The following PPIP5K2 variants were observed in gnomAD, a reference collection of about 807,000 sequenced individuals.
PPIP5K2 encodes inositol hexakisphosphate and diphosphoinositol-pentakisphosphate kinase 2.
Under a neutral mutation model 154.6 loss-of-function variants are expected in PPIP5K2, and 105 were observed. That is an observed-to-expected ratio of 0.68 (90% CI 0.58 to 0.80). The LOEUF is 0.80. Ranked by LOEUF, PPIP5K2 falls within the 30% of genes least tolerant of loss-of-function variation. The probability of loss-of-function intolerance (pLI) is 0.00; values close to 1 mark genes in which losing one functional copy is unlikely to be tolerated. For missense variants in PPIP5K2, 992 were observed against 1,504.6 expected (o/e 0.66, Z 5.64); for synonymous variants, 480 against 490.3 (o/e 0.98, Z 0.28).
chr5:103,198,373 T>C (rs1802451867), intron 30 of PPIP5K2, among the ~76,000 whole-genome samples: 1 of 152,268 alleles, frequency 6.6e-6, no homozygotes, highest in African/African-American at 2.4e-5. Context: ...TAATGGACAC[T>C]ATTTTATCAT....
At chr5:103,138,033 C>T (rs556258918) in intron 4 of PPIP5K2, among the ~76,000 whole-genome samples, 13 of 152,076 alleles carry the variant, frequency 8.5e-5, no homozygotes, top group Non-Finnish European at 1.8e-4. Context: ...TCATTAAATA[C>T]TATTTAAGCA....
intron 14 of PPIP5K2, 102 bp from the exon 15 acceptor site, chr5:103,158,086 C>T (rs1430455709): frequency 1.7e-6 from 2 of 1,204,562 alleles, no homozygotes; most frequent in Admixed American, 2.3e-5. Flanking sequence ...TACATATGGG[C>T]CATATTTCAC....
chr5:103,134,410 A>G (rs1262526846), intron 3 of PPIP5K2, among the ~76,000 whole-genome samples: 1 of 152,174 alleles, frequency 6.6e-6, no homozygotes, highest in Non-Finnish European at 1.5e-5. Context: ...AAATGTATTC[A>G]TATTTAATCA....
chr5:103,172,208 A>G (rs568672551), intron 19 of PPIP5K2, among the ~76,000 whole-genome samples: 87 of 151,724 alleles, frequency 5.7e-4, no homozygotes, highest in African/African-American at 2.0e-3. Flanking sequence ...CATATTCACT[A>G]TATAGTCACC....
rs781952635 is a variant in PPIP5K2, at chr5:103,183,176, CTTTTTTTTTTTTTTTTTTTT to C, written c.2923-40_2923-21del. The C allele has an allele frequency of 2.6e-3, 1,382 of 539,068 alleles. 3 individuals are homozygous for C. The highest frequency in any genetic ancestry group is 2.5e-3 in the Non-Finnish European group (1,054 of 429,222). 33.4% of individuals were successfully genotyped at this position (539,068 alleles called of 1,614,324 possible). A position where few individuals can be genotyped will look rare whatever the true frequency, so the allele number is the denominator to read the frequency against. On this transcript the variant is annotated intron_variant, in intron 24 of 30. Transcript: ENST00000358359. ...GTTGTATCTAACTTTGCATGCTCTGCTTTTTTTTTTTTTTTTTTTTTTTTTTTTTTTTTTTTTGCCCCCTT... is the reference window on the plus strand; with the variant it reads ...GTTGTATCTAACTTTGCATGCTCTGCTTTTTTTTTTTTTTTTTGCCCCCTT...
Position 103,168,508 on chromosome 5 carries a change from T to C in PPIP5K2, c.2286+213T>C, listed in dbSNP as rs539210306. ...CTAATAGTTTGACTACAGTGACTTTTTTTAGTAGACTATATTTATTAGAGC... is the reference window on the plus strand; with the variant it reads ...CTAATAGTTTGACTACAGTGACTTTCTTTAGTAGACTATATTTATTAGAGC... On this transcript the variant is annotated intron_variant, in intron 19 of 30. Transcript: ENST00000358359. Among the ~76,000 whole-genome samples, 15 of 151,986 alleles carry C rather than the reference T, an allele frequency of 9.9e-5. No individual in the cohort carries two copies. The South Asian group carries it at 2.9e-3, about 29-fold the overall frequency.
intron 29 of PPIP5K2, 171 bp from the exon 30 acceptor site, chr5:103,194,729 C>G (rs2149819611): frequency 3.2e-6 from 2 of 623,598 alleles, no homozygotes; most frequent in Non-Finnish European, 5.5e-6. Flanking sequence ...AAGGCCATAA[C>G]AGAACTATCT....
chr5:103,129,437 A>G lies in PPIP5K2; in HGVS notation c.-153A>G, dbSNP rs782519744. The stretch of plus-strand genomic sequence containing the variant: ...AACAAAAGAGTATTTGCCAACAGTC[A>G]TCATAATATCAAGTGATTGTATAAG... On this transcript the variant is annotated 5_prime_UTR_variant, in exon 2 of 31. Transcript: ENST00000358359. 12 of 490,622 alleles carry G rather than the reference A, an allele frequency of 2.4e-5. No homozygotes were observed. The highest frequency in any genetic ancestry group is 3.1e-5 in the Non-Finnish European group (9 of 290,920). 30.4% of individuals were successfully genotyped at this position (490,622 alleles called of 1,614,324 possible).
chr5:103,124,667 C>T (rs980625523), intron 1 of PPIP5K2, among the ~76,000 whole-genome samples: 1 of 152,146 alleles, frequency 6.6e-6, no homozygotes, highest in Non-Finnish European at 1.5e-5. Context: ...TTCTTCCCAA[C>T]TTTTTTCATA....
At chr5:103,148,889 C>T (rs1449728003) in intron 7 of PPIP5K2, among the ~76,000 whole-genome samples, 1 of 151,914 alleles carries the variant, frequency 6.6e-6, no homozygotes, top group Non-Finnish European at 1.5e-5. Context: ...TTGTATACAT[C>T]CTAGTATTCC....
At chr5:103,135,117 A>G (rs1440890157) in intron 3 of PPIP5K2, among the ~76,000 whole-genome samples, 1 of 152,152 alleles carries the variant, frequency 6.6e-6, no homozygotes, top group African/African-American at 2.4e-5. Context: ...ATCCTTTTCC[A>G]TAGATATTTA....
At chr5:103,168,408 T>A in intron 19 of PPIP5K2, 113 bp downstream of exon 19, 1 of 758,718 alleles carries the variant, frequency 1.3e-6, no homozygotes, top group Non-Finnish European at 2.2e-6. Context: ...CCAGTAACTT[T>A]AAACAGGAAA....
At chr5:103,179,464 ACTGTGTCTTATTCAT>A (rs1362656517) in intron 23 of PPIP5K2, among the ~76,000 whole-genome samples, 2 of 152,110 alleles carry the variant, frequency 1.3e-5, no homozygotes, top group African/African-American at 4.8e-5. Flanking sequence ...GCAATCTGGG[ACTGTGTCTTATTCAT>A]CTGTGTCCTA....
intron 8 of PPIP5K2, among the ~76,000 whole-genome samples, chr5:103,150,698 G>T (rs1423659961): frequency 6.6e-6 from 1 of 152,066 alleles, no homozygotes; most frequent in Non-Finnish European, 1.5e-5. Flanking sequence ...TTGAACCTGG[G>T]AAGTGGAGGT....
chr5:103,198,463 C>T (rs1365360299), intron 30 of PPIP5K2, among the ~76,000 whole-genome samples: 2 of 152,030 alleles, frequency 1.3e-5, no homozygotes, highest in African/African-American at 4.8e-5. Context: ...GAGGGGTGTT[C>T]AAGGAAGGGA....
chr5:103,138,964 G>C (rs1482174447), intron 5 of PPIP5K2, among the ~76,000 whole-genome samples: 1 of 152,210 alleles, frequency 6.6e-6, no homozygotes, highest in African/African-American at 2.4e-5. Context: ...TATACTGATA[G>C]CCAACTTTTC....
Position 103,207,766 on chromosome 5 carries a change from T to G in PPIP5K2, c.*6132T>G, listed in dbSNP as rs781882133. The stretch of plus-strand genomic sequence containing the variant: ...TATGGTGTTTCTGATCAACTACATT[T>G]CTTTATGAACTCTATTTCCTTAAGT... On this transcript the variant is annotated 3_prime_UTR_variant, in exon 31 of 31. Coordinates refer to ENST00000358359, the MANE Select transcript of PPIP5K2 (RefSeq NM_001276277.3). The G allele has an allele frequency of 3.3e-5, 5 of 152,124 alleles. No individual in the cohort carries two copies. The highest frequency in any genetic ancestry group is 5.9e-5 in the Non-Finnish European group (4 of 68,028). The allele number at this position is 152,124 out of a possible 1,614,324, so 9.4% of individuals were successfully genotyped here. A position where few individuals can be genotyped will look rare whatever the true frequency, so the allele number is the denominator to read the frequency against.
intron 25 of PPIP5K2, 138 bp from the exon 26 acceptor site, chr5:103,184,534 T>G (rs1479176350): frequency 1.6e-6 from 1 of 612,424 alleles, no homozygotes; most frequent in Non-Finnish European, 2.8e-6. Flanking sequence ...GCATGATCTT[T>G]CATGTTTTAT....
At chr5:103,158,162 G>A in intron 14 of PPIP5K2, 26 bp from the exon 15 acceptor site, 1 of 1,604,504 alleles carries the variant, frequency 6.2e-7, no homozygotes, top group Non-Finnish European at 8.5e-7. Context: ...CTTAACATTT[G>A]TTTTATTCAT....
Sources: gnomAD v4.1 joint callset for allele counts (sites outside exome capture counted in the v4.1 genomes callset) on GRCh38, gnomAD v4.1.1 for gene constraint, MANE v1.5 for transcripts, NCBI Gene and HGNC (gene_info 2026-07-23, HGNC 2026-07-21) for gene names.